Variants in CYFIP1 observed in about 807,000 individuals in gnomAD.
The protein encoded by CYFIP1 is cytoplasmic FMR1-interacting protein 1.
CYFIP1 carries 58 observed loss-of-function variants against 163.5 expected under a neutral mutation model. The ratio of observed to expected loss-of-function variants is 0.35; its 90% CI spans 0.29 to 0.44. CYFIP1 has a LOEUF of 0.44. Among genes scored for constraint, CYFIP1 ranks in the 20% least tolerant of loss-of-function variants. The pLI, the probability that CYFIP1 is intolerant of heterozygous loss-of-function variation, is 1.00. For missense variants in CYFIP1, 1,338 were observed against 1,653.8 expected (o/e 0.81, Z 3.31); for synonymous variants, 663 against 660.7 (o/e 1.00, Z -0.05).
intron 30 of CYFIP1, among the ~76,000 whole-genome samples, chr15:22,870,463 C>G (rs955791234): frequency 2.6e-5 from 4 of 152,024 alleles, no homozygotes; most frequent in Non-Finnish European, 4.4e-5. Context: ...CGTGTACCAC[C>G]ACACGCAGCT....
intron 26 of CYFIP1, among the ~76,000 whole-genome samples, chr15:22,877,508 T>C (rs905092683): frequency 1.3e-5 from 2 of 152,234 alleles, no homozygotes; most frequent in Admixed American, 6.5e-5. Flanking sequence ...TATTCCTGTA[T>C]TAAATATTTA....
chr15:22,887,156 G>C (rs540062374), intron 23 of CYFIP1, among the ~76,000 whole-genome samples: 4 of 152,110 alleles, frequency 2.6e-5, no homozygotes, highest in Non-Finnish European at 5.9e-5. Context: ...CCCTTTGCTG[G>C]AATAAACTGC....
intron 17 of CYFIP1, 158 bp from the exon 18 acceptor site, chr15:22,912,433 GT>G: frequency 1.8e-6 from 1 of 555,290 alleles, no homozygotes; most frequent in Non-Finnish European, 3.1e-6. Flanking sequence ...AAAGCACGTG[GT>G]GGCTGCGCCT....
At chr15:22,962,010 A>T (rs1276966487) in intron 1 of CYFIP1, among the ~76,000 whole-genome samples, 1 of 152,190 alleles carries the variant, frequency 6.6e-6, no homozygotes, top group Non-Finnish European at 1.5e-5. Flanking sequence ...GCAGTTTCTA[A>T]TCATAGCCCC....
rs768386013 is a variant in CYFIP1, at chr15:22,933,770, G to A, written c.992+32C>T. 5 of 1,545,348 alleles carry A rather than the reference G, an allele frequency of 3.2e-6. No homozygotes were observed. The East Asian group carries it at 9.0e-5, about 28-fold the overall frequency. On this transcript the variant is annotated intron_variant, in intron 10 of 30. Coordinates refer to ENST00000617928, the MANE Select transcript of CYFIP1 (RefSeq NM_014608.6). ...CCGCACAATGAGGACACTGCCGAAA[G>A]CTCAAACCAGGCAGCTTTCCTCTCC...
At chr15:22,944,500 AG>A (rs2061992795) in intron 5 of CYFIP1, 57 bp downstream of exon 5, 1 of 1,143,624 alleles carries the variant, frequency 8.7e-7, no homozygotes, top group Non-Finnish European at 1.3e-6. Flanking sequence ...ATGGGTAGGA[AG>A]GGGTCAGCAA....
chr15:22,933,139 C>T lies in CYFIP1; in HGVS notation c.992+663G>A, dbSNP rs570895853. Reference sequence around the variant, plus strand: ...ATGAGCCACCGCGCCCCACCCTCTTCTTTTTTTTTAAGACAACCTTTTTAA... The same window carrying T: ...ATGAGCCACCGCGCCCCACCCTCTTTTTTTTTTTTAAGACAACCTTTTTAA... On this transcript the variant is annotated intron_variant, in intron 10 of 30. Coordinates refer to ENST00000617928, the MANE Select transcript of CYFIP1 (RefSeq NM_014608.6). Among the ~76,000 whole-genome samples the T allele has an allele frequency of 2.7e-3, 399 of 148,194 alleles. 1 individual carries two copies. The highest frequency in any genetic ancestry group is 3.8e-3 in the Admixed American group (56 of 14,928).
chr15:22,964,274 CCACACACACA>C (rs60879784), intron 1 of CYFIP1, among the ~76,000 whole-genome samples: 1,155 of 97,160 alleles, frequency 0.012, 28 homozygotes, highest in African/African-American at 0.045. Flanking sequence ...CTCCTCCTCA[CCACACACACA>C]CACACACACA....
At chr15:22,945,345 C>T (rs1367222477) in intron 3 of CYFIP1, among the ~76,000 whole-genome samples, 10 of 152,282 alleles carry the variant, frequency 6.6e-5, no homozygotes, top group African/African-American at 1.9e-4. Flanking sequence ...CACAGGGCCT[C>T]CCGGTCCCAG....
intron 6 of CYFIP1, among the ~76,000 whole-genome samples, chr15:22,941,031 C>G (rs1391770990): frequency 6.6e-6 from 1 of 152,126 alleles, no homozygotes; most frequent in Non-Finnish European, 1.5e-5. Flanking sequence ...CAGTGAGACT[C>G]TGTCTCAAAA....
chr15:22,911,749 T>C (rs913239744), intron 18 of CYFIP1, among the ~76,000 whole-genome samples: 2 of 152,128 alleles, frequency 1.3e-5, no homozygotes, highest in South Asian at 2.1e-4. Context: ...ATGTGTAGAA[T>C]AAGGTTCATC....
chr15:22,895,160 G>A (rs907234629), intron 22 of CYFIP1, among the ~76,000 whole-genome samples: 31 of 151,836 alleles, frequency 2.0e-4, no homozygotes, highest in African/African-American at 6.0e-4. Context: ...GACTACAGGC[G>A]CCCGCCACCA....
Position 22,918,700 on chromosome 15 carries a change from G to A in CYFIP1, c.1518C>T (p.Val506=), listed in dbSNP as rs1251986836. 4 of 1,599,318 alleles carry A rather than the reference G, an allele frequency of 2.5e-6. No individual in the cohort carries two copies. The highest frequency in any genetic ancestry group is 2.2e-5 in the East Asian group (1 of 44,498). The part of the protein sequence containing the change: ...LRQAIKKKKN[V]IQSVLQAIRK... Reference sequence around the variant, plus strand: ...GCGTGGGGAAGGCTGACCTCTGGATGACGTTCTTCTTCTTCTTGATGGCCT... The same window carrying A: ...GCGTGGGGAAGGCTGACCTCTGGATAACGTTCTTCTTCTTCTTGATGGCCT... The change falls in exon 14 of 31, where the codon GTC becomes GTT. Residue 506 remains valine (V), a synonymous_variant. Coordinates refer to ENST00000617928, the MANE Select transcript of CYFIP1 (RefSeq NM_014608.6).
chr15:22,955,479 G>A (rs1028230523), intron 1 of CYFIP1, among the ~76,000 whole-genome samples: 4 of 152,224 alleles, frequency 2.6e-5, no homozygotes, highest in African/African-American at 9.6e-5. Flanking sequence ...GCATGGAGCT[G>A]GAGCCACAGA....
chr15:22,973,311 C>CA (rs397761069), intron 1 of CYFIP1, among the ~76,000 whole-genome samples: 3,500 of 69,374 alleles, frequency 0.05, 93 homozygotes, highest in East Asian at 0.19. Flanking sequence ...GAGACCTTGT[C>CA]AAAAAAAAAA....
intron 1 of CYFIP1, among the ~76,000 whole-genome samples, chr15:22,957,090 T>C (rs1336855276): frequency 2.0e-5 from 3 of 152,222 alleles, no homozygotes; most frequent in Non-Finnish European, 2.9e-5. Context: ...GCGGCAGTGC[T>C]GTGGCAGGCG....
At chr15:22,951,551 A>G (rs1446366939) in intron 1 of CYFIP1, 2 of 1,287,010 alleles carry the variant, frequency 1.6e-6, no homozygotes, top group African/African-American at 3.0e-5. Context: ...ACTCCAGCCC[A>G]GAGTCCCGCA....
At chr15:22,898,897 G>T (rs1354696589) in intron 22 of CYFIP1, among the ~76,000 whole-genome samples, 1 of 151,970 alleles carries the variant, frequency 6.6e-6, no homozygotes. Flanking sequence ...AGCTAATCGG[G>T]AGGCTAAGGC....
At chr15:22,882,844 G>A in intron 24 of CYFIP1, 24 bp downstream of exon 24, 1 of 1,600,530 alleles carries the variant, frequency 6.2e-7, no homozygotes, top group Non-Finnish European at 8.6e-7. Flanking sequence ...CTGTGTGAAA[G>A]AAGCATGTCC....
Sources: allele counts gnomAD v4.1 joint callset (sites outside exome capture counted in the v4.1 genomes callset), GRCh38; gene constraint gnomAD v4.1.1; transcripts MANE v1.5; gene names NCBI Gene and HGNC (gene_info 2026-07-23, HGNC 2026-07-21).